RNF169: variants seen among roughly 807,000 people sequenced by gnomAD.
The protein encoded by RNF169 is E3 ubiquitin-protein ligase RNF169.
In RNF169, 24 loss-of-function variants were observed where a neutral mutation model predicts 53.9. The ratio of observed to expected loss-of-function variants is 0.45; its 90% CI spans 0.32 to 0.63. The LOEUF (loss-of-function observed/expected upper bound fraction) is 0.63, where lower values mean the gene tolerates loss of function less well. Among genes scored for constraint, RNF169 ranks in the 20% least tolerant of loss-of-function variants. The pLI, the probability that RNF169 is intolerant of heterozygous loss-of-function variation, is 0.04. For synonymous variants in RNF169, 396 were observed against 363.5 expected (o/e 1.09, Z -1.02); for missense variants, 883 against 906.2 (o/e 0.97, Z 0.33).
intron 2 of RNF169, among the ~76,000 whole-genome samples, chr11:74,808,891 T>C (rs2035838579): frequency 1.3e-5 from 2 of 152,238 alleles, no homozygotes; most frequent in South Asian, 4.1e-4. Context: ...TTCCTCCGTG[T>C]TCCTGTTTGG....
chr11:74,786,210 A>T (rs191645289), intron 1 of RNF169, among the ~76,000 whole-genome samples: 1 of 147,826 alleles, frequency 6.8e-6, no homozygotes, highest in East Asian at 2.0e-4. Flanking sequence ...AAGTGCTGGG[A>T]TTACAGGCGT....
chr11:74,776,936 C>G (rs925328868), intron 1 of RNF169, among the ~76,000 whole-genome samples: 5 of 152,072 alleles, frequency 3.3e-5, no homozygotes, highest in African/African-American at 1.2e-4. Flanking sequence ...AGATTGGGTC[C>G]TGTTTACAAA....
At chr11:74,826,119 A>C (rs60393860) in intron 4 of RNF169, among the ~76,000 whole-genome samples, 1 of 152,176 alleles carries the variant, frequency 6.6e-6, no homozygotes, top group African/African-American at 2.4e-5. Flanking sequence ...TGAAGTCAAG[A>C]GTTCAAGACC....
chr11:74,750,579 T>TC (rs1179670505), intron 1 of RNF169, among the ~76,000 whole-genome samples: 2 of 120,342 alleles, frequency 1.7e-5, no homozygotes, highest in Non-Finnish European at 3.5e-5. Context: ...TCCTTGTCAC[T>TC]CCCCTCACCT....
At chr11:74,782,072 T>C (rs1258466522) in intron 1 of RNF169, among the ~76,000 whole-genome samples, 1 of 152,246 alleles carries the variant, frequency 6.6e-6, no homozygotes, top group East Asian at 1.9e-4. Flanking sequence ...CTTTTGGCTT[T>C]GTTTTATTAT....
chr11:74,798,487 C>T (rs568176502), intron 2 of RNF169, among the ~76,000 whole-genome samples: 1 of 152,290 alleles, frequency 6.6e-6, no homozygotes, highest in Non-Finnish European at 1.5e-5. Context: ...ATCTCAAAAC[C>T]CTGTCTCCTG....
At chr11:74,765,645 A>G (rs2035161614) in intron 1 of RNF169, among the ~76,000 whole-genome samples, 1 of 152,058 alleles carries the variant, frequency 6.6e-6, no homozygotes. Flanking sequence ...TACTAAAAAT[A>G]CAAAAAATTA....
intron 1 of RNF169, 49 bp downstream of exon 1, chr11:74,749,431 C>T (rs776626592): frequency 1.6e-6 from 2 of 1,218,852 alleles, no homozygotes; most frequent in Admixed American, 3.5e-5. Context: ...GCCGAGCGCG[C>T]CCCGGCCCGG....
At chr11:74,786,657 T>C (rs1339687733) in intron 1 of RNF169, among the ~76,000 whole-genome samples, 1 of 152,234 alleles carries the variant, frequency 6.6e-6, no homozygotes, top group Non-Finnish European at 1.5e-5. Flanking sequence ...GACAATTTTA[T>C]ACTCAGTAAA....
chr11:74,766,097 A>G (rs908152789), intron 1 of RNF169, among the ~76,000 whole-genome samples: 1 of 152,174 alleles, frequency 6.6e-6, no homozygotes, highest in Non-Finnish European at 1.5e-5. Context: ...AAAAAAACCT[A>G]TAAATATAGA....
intron 2 of RNF169, among the ~76,000 whole-genome samples, chr11:74,798,872 AGACCTCGTCACTACAAAAAATTTT>A (rs890793800): frequency 6.6e-6 from 1 of 152,084 alleles, no homozygotes; most frequent in African/African-American, 2.4e-5. Context: ...GATAGTAGTG[AGACCTCGTCACTACAAAAAATTTT>A]TTAAAAAATT....
intron 1 of RNF169, among the ~76,000 whole-genome samples, chr11:74,760,521 C>T (rs1050678066): frequency 1.2e-4 from 18 of 152,072 alleles, no homozygotes; most frequent in Non-Finnish European, 1.8e-4. Flanking sequence ...TCTTTGTTCT[C>T]GTTGGTTTCA....
rs767012462 is a variant in RNF169 at position 74,836,435 on chromosome 11, G to C, written c.1832G>C (p.Ser611Thr). The change falls in exon 6 of 6, where the codon AGT becomes ACT. Residue 611 changes from serine (S) to threonine (T), a missense_variant. Around this residue, in one of 3 missense-constraint regions of RNF169, gnomAD observed 351 missense variants for 337.3 expected, o/e 1.04. Coordinates refer to ENST00000299563, the MANE Select transcript of RNF169 (RefSeq NM_001098638.2). ...LTNGVLVESL[S>T]EEPLPSLRRG... ...AATGGTGTTCTAGTTGAGAGCCTAA[G>C]TGAAGAGCCACTTCCTTCTTTGCGT... 6.2e-6 allele frequency: 10 copies of C among 1,614,114 alleles called. No individual in the cohort carries two copies. The highest frequency in any genetic ancestry group is 1.6e-4 in the Middle Eastern group (1 of 6,084).
At chr11:74,764,432 A>T (rs1046918805) in intron 1 of RNF169, among the ~76,000 whole-genome samples, 1 of 152,224 alleles carries the variant, frequency 6.6e-6, no homozygotes, top group Non-Finnish European at 1.5e-5. Flanking sequence ...AGTCTGAGGC[A>T]GGAGAATCGC....
chr11:74,756,539 A>G (rs1343518819), intron 1 of RNF169, among the ~76,000 whole-genome samples: 5 of 152,224 alleles, frequency 3.3e-5, no homozygotes, highest in African/African-American at 1.2e-4. Flanking sequence ...AATGTAAGGT[A>G]TTTTCACAAA....
chr11:74,812,210 G>C lies in RNF169; in HGVS notation c.723+1880G>C, dbSNP rs193213190. On this transcript the variant is annotated intron_variant, in intron 3 of 5. Coordinates refer to ENST00000299563, the MANE Select transcript of RNF169 (RefSeq NM_001098638.2). ...TAACAGCCAGTTTTACAAATGCATT[G>C]AATAAAATCTGACCTATGAATGTGT... Among the ~76,000 whole-genome samples the C allele has an allele frequency of 2.4e-3, 367 of 152,254 alleles. 1 individual carries two copies. The highest frequency in any genetic ancestry group is 6.8e-3 in the Middle Eastern group (2 of 294).
chr11:74,757,568 GC>G (rs2035005023), intron 1 of RNF169, among the ~76,000 whole-genome samples: 1 of 103,754 alleles, frequency 9.6e-6, no homozygotes, highest in Non-Finnish European at 1.9e-5. Context: ...CTGAGGAATC[GC>G]CACACTGACT....
chr11:74,749,051 G>A lies in RNF169; in HGVS notation c.171G>A (p.Pro57=). The part of the protein sequence containing the change: ...LLVLSPPLLQ[P]PLPPRPEESG... Reference sequence around the variant, plus strand: ...TGTTGTCGCCGCCGTTGCTGCAGCCGCCGCTGCCGCCGCGGCCGGAGGAAT... The same window carrying A: ...TGTTGTCGCCGCCGTTGCTGCAGCCACCGCTGCCGCCGCGGCCGGAGGAAT... Residue 57 remains proline, a synonymous_variant, in exon 1 of 6, where the codon CCG becomes CCA. Transcript: ENST00000299563. 6.8e-7 allele frequency: 1 copy of A among 1,468,236 alleles called. No individual in the cohort carries two copies. The highest frequency in any genetic ancestry group is 2.4e-4 in the Middle Eastern group (1 of 4,142). 91.0% of individuals were successfully genotyped at this position (1,468,236 alleles called of 1,614,324 possible).
chr11:74,771,435 G>A (rs2035258655), intron 1 of RNF169, among the ~76,000 whole-genome samples: 2 of 152,168 alleles, frequency 1.3e-5, no homozygotes, highest in South Asian at 4.1e-4. Flanking sequence ...TCGCTATTAT[G>A]GCTTGTGCCT....
Sources: allele counts gnomAD v4.1 joint callset (sites outside exome capture counted in the v4.1 genomes callset), GRCh38; gene constraint gnomAD v4.1.1; regional missense constraint gnomAD v4.1.1; transcripts MANE v1.5; gene names NCBI Gene and HGNC (gene_info 2026-07-23, HGNC 2026-07-21).